GFPT1: variants seen among roughly 807,000 people sequenced by gnomAD.
The protein encoded by GFPT1 is glutamine--fructose-6-phosphate transaminase 1.
Under a neutral mutation model 92.0 loss-of-function variants are expected in GFPT1, and 40 were observed. The ratio of observed to expected loss-of-function variants is 0.43; its 90% CI spans 0.34 to 0.57. The LOEUF (loss-of-function observed/expected upper bound fraction) is 0.57, where lower values mean the gene tolerates loss of function less well. Among genes scored for constraint, GFPT1 ranks in the 20% least tolerant of loss-of-function variants. The probability of loss-of-function intolerance (pLI) is 0.02; values close to 1 mark genes in which losing one functional copy is unlikely to be tolerated. For synonymous variants in GFPT1, 269 were observed against 280.6 expected (o/e 0.96, Z 0.41); for missense variants, 448 against 869.1 (o/e 0.52, Z 6.09).
At chr2:69,362,149 T>G (rs1671489585) in intron 4 of GFPT1, among the ~76,000 whole-genome samples, 1 of 152,288 alleles carries the variant, frequency 6.6e-6, no homozygotes, top group South Asian at 2.1e-4. Flanking sequence ...CTTGTTTTGT[T>G]GAGACAGTCT....
At chr2:69,376,727 A>C (rs1422778369) in intron 1 of GFPT1, among the ~76,000 whole-genome samples, 1 of 152,204 alleles carries the variant, frequency 6.6e-6, no homozygotes, top group East Asian at 1.9e-4. Context: ...TTTTTAAGAA[A>C]TCTAAGTCTG....
rs1325301508 is a variant in GFPT1, at chr2:69,364,787, G to A, written c.224-1117C>T. On this transcript the variant is annotated intron_variant, in intron 3 of 19. Coordinates refer to ENST00000357308, the MANE Select transcript of GFPT1 (RefSeq NM_001244710.2). ...AGAGGCGGGTGGGACACAAGGTCAG[G>A]AGTCCAAGACCAGCCTTACCAACAT... Among the ~76,000 whole-genome samples the A allele has an allele frequency of 4.6e-5, 7 of 152,012 alleles. No individual in the cohort carries two copies. The East Asian group carries it at 1.4e-3, about 30-fold the overall frequency.
At position 69,321,796 on chromosome 2, in the gene GFPT1, A is replaced by G. The variant is rs999277332; in HGVS notation, c.*4393T>C. On this transcript the variant is annotated 3_prime_UTR_variant, in exon 20 of 20. Coordinates refer to ENST00000357308, the MANE Select transcript of GFPT1 (RefSeq NM_001244710.2). ...CATTCATTCTGCAAACAGTGTAGTAAGAAAGGTAATTTGAGAATTTCCAAA... is the reference window on the plus strand; with the variant it reads ...CATTCATTCTGCAAACAGTGTAGTAGGAAAGGTAATTTGAGAATTTCCAAA... 1 of 152,248 alleles carries G rather than the reference A, an allele frequency of 6.6e-6. No individual in the cohort carries two copies. Among genetic ancestry groups the G allele is most frequent in the Admixed American group, 6.5e-5 (1 of 15,284 alleles). 9.4% of individuals were successfully genotyped at this position (152,248 alleles called of 1,614,324 possible).
At chr2:69,355,493 G>A (rs1671315300) in intron 7 of GFPT1, among the ~76,000 whole-genome samples, 1 of 152,088 alleles carries the variant, frequency 6.6e-6, no homozygotes. Flanking sequence ...ATTTTCTGCA[G>A]CTGCTTTCAC....
intron 3 of GFPT1, among the ~76,000 whole-genome samples, chr2:69,364,255 G>T (rs1297187356): frequency 6.6e-6 from 1 of 152,076 alleles, no homozygotes; most frequent in Non-Finnish European, 1.5e-5. Flanking sequence ...TTATGCAACT[G>T]AAATATTGAA....
intron 15 of GFPT1, among the ~76,000 whole-genome samples, chr2:69,335,867 C>T (rs779666632): frequency 6.6e-6 from 1 of 151,604 alleles, no homozygotes; most frequent in Non-Finnish European, 1.5e-5. Context: ...CAAAAAAATA[C>T]AAAAATTAGC....
chr2:69,384,694 A>T (rs1222891406), intron 1 of GFPT1, among the ~76,000 whole-genome samples: 7 of 20,526 alleles, frequency 3.4e-4, no homozygotes, highest in Non-Finnish European at 1.7e-4. Context: ...GCCCCGTCAC[A>T]AAAAAAAAAA....
intron 17 of GFPT1, 26 bp downstream of exon 17, chr2:69,329,271 T>A (rs1028630841): frequency 6.2e-6 from 10 of 1,608,732 alleles, no homozygotes; most frequent in Non-Finnish European, 8.5e-6. Context: ...AATGGACTGA[T>A]ACTAATTAGA....
intron 2 of GFPT1, among the ~76,000 whole-genome samples, chr2:69,372,563 A>G (rs1013499804): frequency 2.0e-5 from 3 of 151,872 alleles, no homozygotes; most frequent in African/African-American, 7.3e-5. Context: ...ACAGAGCAAG[A>G]CTCACCTCAA....
chr2:69,342,390 T>C (rs1670974160), intron 12 of GFPT1, 141 bp from the exon 13 acceptor site: 2 of 662,412 alleles, frequency 3.0e-6, no homozygotes, highest in Non-Finnish European at 5.3e-6. Context: ...AAAGCACAGT[T>C]CTCTGTAATT....
At chr2:69,342,900 T>G (rs1190696214) in intron 12 of GFPT1, among the ~76,000 whole-genome samples, 1 of 152,170 alleles carries the variant, frequency 6.6e-6, no homozygotes, top group African/African-American at 2.4e-5. Flanking sequence ...CCCATTCCCC[T>G]AATGCTTCAG....
At position 69,373,990 on chromosome 2, in the gene GFPT1, A is replaced by G. The variant is rs1671812247; in HGVS notation, c.115+16T>C. On this transcript the variant is annotated intron_variant, in intron 2 of 19. Transcript: ENST00000357308. ...TAAAGAATCATGCAAAATCCATAGT[A>G]TTTTTTTTAAAGTACCAGCAGAATC... 1 of 1,131,644 alleles carries G rather than the reference A, an allele frequency of 8.8e-7. No homozygotes were observed. Among genetic ancestry groups the G allele is most frequent in the African/African-American group, 1.5e-5 (1 of 65,482 alleles). 70.1% of individuals were successfully genotyped at this position (1,131,644 alleles called of 1,614,324 possible). A position where few individuals can be genotyped will look rare whatever the true frequency, so the allele number is the denominator to read the frequency against.
intron 12 of GFPT1, among the ~76,000 whole-genome samples, chr2:69,345,255 C>G (rs1025328182): frequency 1.3e-5 from 2 of 151,988 alleles, no homozygotes; most frequent in African/African-American, 4.8e-5. Flanking sequence ...AAACTCCATC[C>G]TAAAAAAAAG....
intron 13 of GFPT1, 91 bp downstream of exon 13, chr2:69,342,061 C>A: frequency 1.4e-6 from 1 of 693,188 alleles, no homozygotes; most frequent in South Asian, 2.1e-5. Flanking sequence ...ATTAACAAAA[C>A]ATAGTTTTAC....
At chr2:69,348,121 A>G in intron 11 of GFPT1, 50 bp downstream of exon 11, 2 of 1,370,744 alleles carry the variant, frequency 1.5e-6, no homozygotes, top group South Asian at 1.2e-5. Context: ...GAAGTAGAAT[A>G]TATTCTTTCC....
At position 69,338,517 on chromosome 2, in the gene GFPT1, G is replaced by A. The variant is rs769710261; in HGVS notation, c.1252C>T (p.Leu418=). The change falls in exon 14 of 20, where the codon CTA becomes TTA. Residue 418 remains leucine, a synonymous_variant. Coordinates refer to ENST00000357308, the MANE Select transcript of GFPT1 (RefSeq NM_001244710.2). The part of the protein sequence containing the change: ...ELTELPVMVE[L]ASDFLDRNTP... ...TTTCTGTCCAGGAAGTCACTTGCTAGTTCCACCATCACAGGCAACTCAGTC... is the reference window on the plus strand; with the variant it reads ...TTTCTGTCCAGGAAGTCACTTGCTAATTCCACCATCACAGGCAACTCAGTC... The A allele has an allele frequency of 6.2e-7, 1 of 1,613,232 alleles. No homozygotes were observed. Among genetic ancestry groups the A allele is most frequent in the Non-Finnish European group, 8.5e-7 (1 of 1,179,180 alleles).
At position 69,329,692 on chromosome 2, in the gene GFPT1, C is replaced by T. The variant is rs2104600696; in HGVS notation, c.1589G>A (p.Arg530Gln). Residue 530 changes from arginine (R) to glutamine (Q), a missense_variant, in exon 16 of 20, where the codon CGG becomes CAG. Physicochemically the swap from Arg to Gln is conservative, Grantham distance 43 (BLOSUM62 1). Around this residue, in one of 7 missense-constraint regions of GFPT1, gnomAD observed 73 missense variants for 103.5 expected, o/e 0.71. Transcript: ENST00000357308. ...TATGAGTGTCTTTGTACCAGGCAGCCGTTTCAATCCAAGCATGATCTCTTT... is the reference window on the plus strand; with the variant it reads ...TATGAGTGTCTTTGTACCAGGCAGCTGTTTCAATCCAAGCATGATCTCTTT... Reference protein sequence around the residue: ...RRKEIMLGLKRLPDLIKEVLS... With the variant: ...RRKEIMLGLKQLPDLIKEVLS... 4 of 1,603,988 alleles carry T rather than the reference C, an allele frequency of 2.5e-6. No homozygotes were observed. The highest frequency in any genetic ancestry group is 1.3e-5 in the African/African-American group (1 of 74,786).
chr2:69,369,512 T>A (rs971248307), intron 3 of GFPT1, among the ~76,000 whole-genome samples: 1 of 152,226 alleles, frequency 6.6e-6, no homozygotes, highest in East Asian at 1.9e-4. Flanking sequence ...CTCTGACAAC[T>A]CCTTGTGCCA....
chr2:69,384,877 T>C (rs1024410147), intron 1 of GFPT1, among the ~76,000 whole-genome samples: 1 of 152,156 alleles, frequency 6.6e-6, no homozygotes, highest in Admixed American at 6.5e-5. Context: ...TTTTCCCATC[T>C]AGTCTAATTT....
Sources: allele counts gnomAD v4.1 joint callset (sites outside exome capture counted in the v4.1 genomes callset), GRCh38; gene constraint gnomAD v4.1.1; regional missense constraint gnomAD v4.1.1; transcripts MANE v1.5; gene names NCBI Gene and HGNC (gene_info 2026-07-23, HGNC 2026-07-21).